SCPEP1: variants seen among roughly 807,000 people sequenced by gnomAD.
The protein encoded by SCPEP1 is retinoid-inducible serine carboxypeptidase.
SCPEP1 carries 51 observed loss-of-function variants against 63.8 expected under a neutral mutation model. The observed-to-expected ratio is 0.80, with a 90% CI of 0.64 to 1.01. SCPEP1 has a LOEUF of 1.01. SCPEP1 is among the 50% of genes least tolerant of loss of function. The pLI, the probability that SCPEP1 is intolerant of heterozygous loss-of-function variation, is 0.00. For synonymous variants in SCPEP1, 204 were observed against 207.8 expected (o/e 0.98, Z 0.16); for missense variants, 499 against 554.9 (o/e 0.90, Z 1.01).
At chr17:57,000,000 AAG>A (rs1307501150) in intron 10 of SCPEP1, among the ~76,000 whole-genome samples, 20 of 150,746 alleles carry the variant, frequency 1.3e-4, no homozygotes, top group Admixed American at 4.0e-4. Context: ...AAAAAAAAAA[AAG>A]AGCTGGGCGT....
intron 5 of SCPEP1, among the ~76,000 whole-genome samples, chr17:56,990,304 A>G (rs1338959161): frequency 6.6e-6 from 1 of 152,212 alleles, no homozygotes; most frequent in Non-Finnish European, 1.5e-5. Context: ...ATTTCCTTCT[A>G]TCTCCTATGT....
chr17:56,993,782 G>A (rs920128504), intron 6 of SCPEP1, among the ~76,000 whole-genome samples: 4 of 152,190 alleles, frequency 2.6e-5, no homozygotes, highest in Non-Finnish European at 4.4e-5. Flanking sequence ...GCTGTTTGGA[G>A]GCTGTAAGAA....
intron 4 of SCPEP1, 49 bp from the exon 5 acceptor site, chr17:56,988,167 C>T (rs1392174497): frequency 7.2e-6 from 10 of 1,394,588 alleles, no homozygotes; most frequent in Non-Finnish European, 8.9e-6. Context: ...TTGTGTGACT[C>T]AAAAAGCAAT....
rs1164051990 is a variant in SCPEP1, at chr17:56,978,139, T to A, written c.-21T>A. 8.2e-7 allele frequency: 1 copy of A among 1,224,230 alleles called. No individual in the cohort carries two copies. The highest frequency in any genetic ancestry group is 1.2e-6 in the Non-Finnish European group (1 of 856,094). 75.8% of individuals were successfully genotyped at this position (1,224,230 alleles called of 1,614,324 possible). On this transcript the variant is annotated 5_prime_UTR_variant, in exon 1 of 13. It removes an upstream start codon present in the reference 5' UTR. Transcript: ENST00000262288. ...GGCGCCGGGTCCAGCCTGTTGCTGA[T>A]GCTGCCGTGCGGTACTTGTCATGGA... is the stretch of plus-strand genomic sequence containing the variant.
At chr17:56,998,235 C>G (rs2144502994) in intron 9 of SCPEP1, 150 bp from the exon 10 acceptor site, 2 of 539,148 alleles carry the variant, frequency 3.7e-6, no homozygotes, top group East Asian at 6.5e-5. Context: ...CGCTTGAACC[C>G]AGGAGGCGGA....
intron 2 of SCPEP1, 77 bp from the exon 3 acceptor site, chr17:56,985,301 C>A (rs1911182108): frequency 9.2e-7 from 1 of 1,089,542 alleles, no homozygotes; most frequent in Non-Finnish European, 1.4e-6. Flanking sequence ...CATAAACCAT[C>A]TATAGCAAAT....
At chr17:57,005,871 A>T (rs1455651457) in intron 12 of SCPEP1, among the ~76,000 whole-genome samples, 1 of 152,184 alleles carries the variant, frequency 6.6e-6, no homozygotes, top group Non-Finnish European at 1.5e-5. Context: ...GTCTAGTATC[A>T]TTAGCATGAC....
chr17:56,995,602 G>A lies in SCPEP1; in HGVS notation c.753G>A (p.Glu251=). The A allele has an allele frequency of 6.2e-7, 1 of 1,614,150 alleles. No individual in the cohort carries two copies. Among genetic ancestry groups the A allele is most frequent in the Non-Finnish European group, 8.5e-7 (1 of 1,180,006 alleles). The change falls in exon 8 of 13, where the codon GAG becomes GAA. Residue 251 remains glutamate (E), a synonymous_variant. Transcript: ENST00000262288. ...VNKGLYREAT[E]LWGKAEMIIE... ...AGGGGCTCTACAGAGAGGCCACAGAGCTGTGGGGGAAAGCAGAAATGATCA... is the reference window on the plus strand; with the variant it reads ...AGGGGCTCTACAGAGAGGCCACAGAACTGTGGGGGAAAGCAGAAATGATCA...
rs1911641295 is a variant in SCPEP1, at chr17:56,998,479, T to C, written c.975T>C (p.Pro325=). 1 of 1,613,428 alleles carries C rather than the reference T, an allele frequency of 6.2e-7. No individual in the cohort carries two copies. The highest frequency in any genetic ancestry group is 1.1e-5 in the South Asian group (1 of 91,070). ...TCAGAAAGAAGCTCAAAATTATTCC[T>C]GAGGATCAATCCTGGGGAGGTACTT... The part of the protein sequence containing the change: ...GPIRKKLKII[P]EDQSWGGQAT... Residue 325 remains proline (P), a synonymous_variant, in exon 10 of 13, where the codon CCT becomes CCC. Transcript: ENST00000262288.
intron 12 of SCPEP1, among the ~76,000 whole-genome samples, chr17:57,003,079 G>T (rs948978555): frequency 2.6e-5 from 4 of 152,082 alleles, no homozygotes; most frequent in Non-Finnish European, 5.9e-5. Flanking sequence ...AGGGAAGGGT[G>T]CCCTGCCCAG....
At position 56,988,300 on chromosome 17, in the gene SCPEP1, A is replaced by C. The variant is rs377154602; in HGVS notation, c.546+10A>C. ...TCTAGAGCTTTATAAGGTAATGGAA[A>C]ATAACTTTGTTGTTATGGTTTTGGA... On this transcript the variant is annotated intron_variant, in intron 5 of 12. Transcript: ENST00000262288. 3 of 1,599,308 alleles carry C rather than the reference A, an allele frequency of 1.9e-6. No individual in the cohort carries two copies. Among genetic ancestry groups the C allele is most frequent in the Non-Finnish European group, 2.6e-6 (3 of 1,169,518 alleles).
chr17:56,988,354 A>T, intron 5 of SCPEP1, 64 bp downstream of exon 5: 1 of 1,219,722 alleles, frequency 8.2e-7, no homozygotes, highest in Non-Finnish European at 1.2e-6. Flanking sequence ...ACTTTTATGT[A>T]CTCACGTGCT....
At chr17:56,979,833 A>G (rs564959103) in intron 1 of SCPEP1, among the ~76,000 whole-genome samples, 1 of 151,938 alleles carries the variant, frequency 6.6e-6, no homozygotes, top group South Asian at 2.1e-4. Context: ...CACCTCCATC[A>G]TTGTTTCTTT....
At chr17:57,004,156 G>A (rs1597924492) in intron 12 of SCPEP1, among the ~76,000 whole-genome samples, 1 of 152,188 alleles carries the variant, frequency 6.6e-6, no homozygotes, top group African/African-American at 2.4e-5. Flanking sequence ...CCAAGATAGT[G>A]CCATTGCATC....
chr17:56,982,074 G>A (rs181328510), intron 2 of SCPEP1, among the ~76,000 whole-genome samples: 4 of 152,340 alleles, frequency 2.6e-5, no homozygotes, highest in African/African-American at 7.2e-5. Flanking sequence ...GGAGCTGGTT[G>A]AAAGATTTGT....
At chr17:56,988,185 G>GAAAGCAA (rs777238611) in intron 4 of SCPEP1, 31 bp from the exon 5 acceptor site, 16 of 1,419,312 alleles carry the variant, frequency 1.1e-5, no homozygotes, top group Non-Finnish European at 1.4e-5. Context: ...AATCAAGGTA[G>GAAAGCAA]TTAATTCTGT....
Position 57,006,492 on chromosome 17 carries a change from A to G in SCPEP1, c.*257A>G. The G allele has an allele frequency of 7.0e-6, 2 of 285,910 alleles. No individual in the cohort carries two copies. The highest frequency in any genetic ancestry group is 1.3e-5 in the Non-Finnish European group (2 of 155,968). The allele number at this position is 285,910 out of a possible 1,614,324, so 17.7% of individuals were successfully genotyped here. On this transcript the variant is annotated 3_prime_UTR_variant, in exon 13 of 13. Transcript: ENST00000262288. The stretch of plus-strand genomic sequence containing the variant: ...AAAATAAAGGATGATAATAGATATT[A>G]TTTTTTCTTATGACAGAAGCAAATG...
chr17:56,997,652 G>T (rs1419307344), intron 9 of SCPEP1, among the ~76,000 whole-genome samples: 2 of 152,050 alleles, frequency 1.3e-5, no homozygotes, highest in African/African-American at 2.4e-5. Flanking sequence ...TGTGGTTTTT[G>T]ACAGGTTTCA....
intron 1 of SCPEP1, 65 bp downstream of exon 1, chr17:56,978,300 T>C: frequency 6.8e-7 from 1 of 1,475,616 alleles, no homozygotes; most frequent in Non-Finnish European, 9.0e-7. Context: ...GAGAGTTTGT[T>C]ACTGGGTTTG....
Sources: allele counts gnomAD v4.1 joint callset (sites outside exome capture counted in the v4.1 genomes callset), GRCh38; gene constraint gnomAD v4.1.1; transcripts MANE v1.5; gene names NCBI Gene and HGNC (gene_info 2026-07-23, HGNC 2026-07-21).